TP53INP1: variants seen among roughly 807,000 people sequenced by gnomAD.
TP53INP1 encodes tumor protein p53-inducible nuclear protein 1.
In TP53INP1, 12 loss-of-function variants were observed where a neutral mutation model predicts 21.0. The ratio of observed to expected loss-of-function variants is 0.57; its 90% CI spans 0.37 to 0.93. The LOEUF (loss-of-function observed/expected upper bound fraction) is 0.93. TP53INP1 is among the 40% of genes least tolerant of loss of function. TP53INP1 has a pLI of 0.01. For missense variants in TP53INP1, 274 were observed against 294.7 expected (o/e 0.93, Z 0.51); for synonymous variants, 91 against 94.8 (o/e 0.96, Z 0.23).
chr8:94,926,162 A>G lies in TP53INP1; in HGVS notation c.*4317T>C, dbSNP rs1167256388. Reference sequence around the variant, plus strand: ...ACTGACCATCTATGAACCAATCAGTATAAAAAATTTCTATAAAAACAAAAT... The same window carrying G: ...ACTGACCATCTATGAACCAATCAGTGTAAAAAATTTCTATAAAAACAAAAT... On this transcript the variant is annotated 3_prime_UTR_variant, in exon 4 of 4. Transcript: ENST00000342697. 1 of 152,678 alleles carries G rather than the reference A, an allele frequency of 6.5e-6. No individual in the cohort carries two copies. Among genetic ancestry groups the G allele is most frequent in the Non-Finnish European group, 1.5e-5 (1 of 68,050 alleles). The allele number at this position is 152,678 out of a possible 1,614,324, so 9.5% of individuals were successfully genotyped here. A position where few individuals can be genotyped will look rare whatever the true frequency, so the allele number is the denominator to read the frequency against.
Position 94,926,540 on chromosome 8 carries a change from G to T in TP53INP1, c.*3939C>A, listed in dbSNP as rs746299146. 4.6e-5 allele frequency: 7 copies of T among 151,986 alleles called. No homozygotes were observed. The highest frequency in any genetic ancestry group is 7.4e-5 in the Non-Finnish European group (5 of 68,018). 9.4% of individuals were successfully genotyped at this position (151,986 alleles called of 1,614,324 possible). A position where few individuals can be genotyped will look rare whatever the true frequency, so the allele number is the denominator to read the frequency against. ...TCTAACCTCCCCAGGTACTGGTTTG[G>T]TTTTCAGAGGTCCACCTAGAAAACA... On this transcript the variant is annotated 3_prime_UTR_variant, in exon 4 of 4. Coordinates refer to ENST00000342697, the MANE Select transcript of TP53INP1 (RefSeq NM_033285.4).
intron 3 of TP53INP1, among the ~76,000 whole-genome samples, chr8:94,938,645 A>G (rs1586727858): frequency 6.6e-6 from 1 of 152,354 alleles, no homozygotes; most frequent in South Asian, 2.1e-4. Context: ...TGATGCCTCC[A>G]TAAGACCCCA....
chr8:94,947,414 CCTT>C (rs1243949509), intron 1 of TP53INP1, among the ~76,000 whole-genome samples: 1 of 152,168 alleles, frequency 6.6e-6, no homozygotes, highest in African/African-American at 2.4e-5. Flanking sequence ...TCAGAATTAT[CCTT>C]CTTTTTATCC....
rs1223852966 is a variant in TP53INP1, at chr8:94,928,816, A to G, written c.*1663T>C. On this transcript the variant is annotated 3_prime_UTR_variant, in exon 4 of 4. Transcript: ENST00000342697. ...CATCAAGCCACTACAGGGTTATTGA[A>G]AAATATAATACTTCACTTAAGGATA... 2 of 152,362 alleles carry G rather than the reference A, an allele frequency of 1.3e-5. No individual in the cohort carries two copies. Among genetic ancestry groups the G allele is most frequent in the African/African-American group, 4.8e-5 (2 of 41,452 alleles). 9.4% of individuals were successfully genotyped at this position (152,362 alleles called of 1,614,324 possible). A position where few individuals can be genotyped will look rare whatever the true frequency, so the allele number is the denominator to read the frequency against.
chr8:94,948,388 G>T (rs1256139513), intron 1 of TP53INP1, among the ~76,000 whole-genome samples: 1 of 152,184 alleles, frequency 6.6e-6, no homozygotes, highest in Non-Finnish European at 1.5e-5. Flanking sequence ...CATAGTATAT[G>T]GCACATACTC....
At chr8:94,933,194 C>T (rs1345498473) in intron 3 of TP53INP1, among the ~76,000 whole-genome samples, 1 of 151,982 alleles carries the variant, frequency 6.6e-6, no homozygotes, top group Non-Finnish European at 1.5e-5. Context: ...CCAGCCTGGG[C>T]AACAGTGAGA....
chr8:94,946,643 G>C (rs1272345967), intron 1 of TP53INP1, among the ~76,000 whole-genome samples: 1 of 130,776 alleles, frequency 7.6e-6, no homozygotes. Flanking sequence ...GCTGCAGTGA[G>C]TTGTGATCCC....
At chr8:94,935,681 C>T (rs1010176841) in intron 3 of TP53INP1, among the ~76,000 whole-genome samples, 5 of 152,102 alleles carry the variant, frequency 3.3e-5, no homozygotes, top group African/African-American at 1.2e-4. Context: ...TATGGGAGCT[C>T]CATGTACTGT....
At chr8:94,939,700 C>A in intron 3 of TP53INP1, 160 bp downstream of exon 3, 2 of 1,071,222 alleles carry the variant, frequency 1.9e-6, no homozygotes, top group Non-Finnish European at 2.7e-6. Flanking sequence ...GACTGGTCAA[C>A]AAGTTATCTT....
In TP53INP1 at chr8:94,930,590, A is replaced by C; in HGVS notation, c.612T>G (p.Leu204=). ...TTTGGCGACGAAGGCTATTTCTGTTAAGAGGCTGTCTTTCACTGTGTTCTT... is the reference window on the plus strand; with the variant it reads ...TTTGGCGACGAAGGCTATTTCTGTTCAGAGGCTGTCTTTCACTGTGTTCTT... ...WIKEHSERQP[L]NRNSLRRQNL... Residue 204 remains leucine, a synonymous_variant, in exon 4 of 4, where the codon CTT becomes CTG. Transcript: ENST00000342697. The C allele has an allele frequency of 6.2e-7, 1 of 1,614,212 alleles. No individual in the cohort carries two copies. The highest frequency in any genetic ancestry group is 8.5e-7 in the Non-Finnish European group (1 of 1,180,042).
intron 3 of TP53INP1, among the ~76,000 whole-genome samples, chr8:94,931,094 A>G (rs1195537931): frequency 6.6e-6 from 1 of 152,252 alleles, no homozygotes; most frequent in Non-Finnish European, 1.5e-5. Flanking sequence ...TTTTGCAAAT[A>G]TATATTTTAA....
At position 94,939,850 on chromosome 8, in the gene TP53INP1, T is replaced by G; in HGVS notation, c.473+10A>C. 1.9e-6 allele frequency: 3 copies of G among 1,605,166 alleles called. No individual in the cohort carries two copies. Among genetic ancestry groups the G allele is most frequent in the Non-Finnish European group, 2.6e-6 (3 of 1,174,664 alleles). ...GACTGCCTACAGAGAGTTAAATACT[T>G]GTAACGTACCTGGGACTACTTGGGC... On this transcript the variant is annotated intron_variant, in intron 3 of 3. Transcript: ENST00000342697.
At chr8:94,932,229 C>T (rs546491055) in intron 3 of TP53INP1, 569 of 969,244 alleles carry the variant, frequency 5.9e-4, no homozygotes, top group Non-Finnish European at 7.1e-4. Context: ...ATTAAAGGCA[C>T]GTACATGTGC....
At chr8:94,946,696 CAAAAA>C (rs71273438) in intron 1 of TP53INP1, among the ~76,000 whole-genome samples, 531 of 34,694 alleles carry the variant, frequency 0.015, 19 homozygotes, top group African/African-American at 0.043. Context: ...GACCCTGTCT[CAAAAA>C]AAAAAAAAAA....
chr8:94,944,084 A>G (rs1026457408), intron 1 of TP53INP1, among the ~76,000 whole-genome samples: 11 of 152,246 alleles, frequency 7.2e-5, no homozygotes, highest in Non-Finnish European at 1.5e-4. Context: ...CATTTATTTT[A>G]AATTGTGGAG....
rs972984644 is a variant in TP53INP1 at position 94,949,257 on chromosome 8, C to G, written c.-254G>C. The G allele has an allele frequency of 2.0e-5, 3 of 150,894 alleles. No homozygotes were observed. The highest frequency in any genetic ancestry group is 3.0e-5 in the Non-Finnish European group (2 of 67,510). The allele number at this position is 150,894 out of a possible 1,614,324, so 9.3% of individuals were successfully genotyped here. ...ACTGCTGAGGTAGCTGCGGTGGGGC[C>G]GGGCTGCGCTGCACCTCGTTCAGGT... On this transcript the variant is annotated 5_prime_UTR_variant, in exon 1 of 4. Coordinates refer to ENST00000342697, the MANE Select transcript of TP53INP1 (RefSeq NM_033285.4).
intron 1 of TP53INP1, among the ~76,000 whole-genome samples, chr8:94,945,056 C>T (rs796556879): frequency 2.0e-5 from 3 of 152,142 alleles, no homozygotes; most frequent in Admixed American, 6.5e-5. Flanking sequence ...CTAGTATCAT[C>T]GAGAAACTGC....
intron 1 of TP53INP1, among the ~76,000 whole-genome samples, chr8:94,947,076 G>A (rs188159361): frequency 9.2e-5 from 14 of 152,220 alleles, no homozygotes; most frequent in Admixed American, 7.9e-4. Flanking sequence ...TGAGGAAACC[G>A]AGGCTGAGGA....
In TP53INP1 at chr8:94,940,213, G is replaced by C. The variant is rs75917719; in HGVS notation, c.120C>G (p.Cys40Trp). 3.1e-6 allele frequency: 5 copies of C among 1,608,496 alleles called. No homozygotes were observed. The highest frequency in any genetic ancestry group is 4.2e-6 in the Non-Finnish European group (5 of 1,176,670). The change falls in exon 3 of 4, where the codon TGC becomes TGG. Residue 40 changes from cysteine (C) to tryptophan (W), a missense_variant. Coordinates refer to ENST00000342697, the MANE Select transcript of TP53INP1 (RefSeq NM_033285.4). ...CTTCTTCTTCTGCTGAGAAACCAGT[G>C]CAAGTATCTAGATCGTAGTCCACAT... ...EWILVDFIDT[C>W]TGFSAEEEEE...
Sources: gnomAD v4.1 joint callset for allele counts (sites outside exome capture counted in the v4.1 genomes callset) on GRCh38, gnomAD v4.1.1 for gene constraint, MANE v1.5 for transcripts, NCBI Gene and HGNC (gene_info 2026-07-23, HGNC 2026-07-21) for gene names.